The following GREB1 variants were observed in gnomAD, a reference collection of about 807,000 sequenced individuals.
GREB1 encodes the protein growth regulating estrogen receptor binding 1, also known as protein GREB1.
Under a neutral mutation model 200.7 loss-of-function variants are expected in GREB1, and 106 were observed. The ratio of observed to expected loss-of-function variants is 0.53; its 90% CI spans 0.45 to 0.62. The LOEUF is 0.62. Ranked by LOEUF, GREB1 falls within the 20% of genes least tolerant of loss-of-function variation. GREB1 has a pLI of 0.00. For missense variants in GREB1, 2,243 were observed against 2,556.8 expected (o/e 0.88, Z 2.65); for synonymous variants, 1,132 against 1,092.4 (o/e 1.04, Z -0.72).
intron 4 of GREB1, among the ~76,000 whole-genome samples, chr2:11,567,836 A>G (rs1265539825): frequency 3.3e-5 from 5 of 152,104 alleles, no homozygotes; most frequent in Non-Finnish European, 7.4e-5. Flanking sequence ...GAGCCCGGGG[A>G]TCTGGGTTCC....
At chr2:11,502,705 G>A (rs1673081702) in intron 1 of GREB1, among the ~76,000 whole-genome samples, 1 of 152,064 alleles carries the variant, frequency 6.6e-6, no homozygotes, top group African/African-American at 2.4e-5. Flanking sequence ...ATACAAATAT[G>A]ATGAAAATAT....
chr2:11,540,408 A>C (rs538607986), intron 1 of GREB1, among the ~76,000 whole-genome samples: 41 of 152,296 alleles, frequency 2.7e-4, no homozygotes, highest in African/African-American at 9.4e-4. Flanking sequence ...TTCCAGAGAG[A>C]AGGTTTTCAG....
At chr2:11,599,141 T>C (rs1341082405) in intron 15 of GREB1, among the ~76,000 whole-genome samples, 1 of 152,048 alleles carries the variant, frequency 6.6e-6, no homozygotes, top group Non-Finnish European at 1.5e-5. Context: ...GGGAGGGTGT[T>C]AGTGGCAGAG....
At chr2:11,586,718 C>T (rs1680136895) in intron 9 of GREB1, among the ~76,000 whole-genome samples, 1 of 152,194 alleles carries the variant, frequency 6.6e-6, no homozygotes, top group African/African-American at 2.4e-5. Flanking sequence ...GAGAAGCACC[C>T]TACTGTTAAT....
chr2:11,609,242 T>TTTTA (rs60473726), intron 17 of GREB1, among the ~76,000 whole-genome samples: 33,122 of 136,446 alleles, frequency 0.24, 4,265 homozygotes, highest in Admixed American at 0.3. Flanking sequence ...GGCATTATTA[T>TTTTA]TTTATTTATT....
intron 19 of GREB1, among the ~76,000 whole-genome samples, chr2:11,614,125 AT>A (rs34678522): frequency 0.17 from 16,816 of 99,228 alleles, 776 homozygotes; most frequent in Middle Eastern, 0.27. Context: ...GCGGACTTAG[AT>A]TTTTTTTTTT....
At chr2:11,578,550 T>C in intron 6 of GREB1, 119 bp downstream of exon 6, 1 of 981,452 alleles carries the variant, frequency 1.0e-6, no homozygotes, top group South Asian at 1.7e-5. Flanking sequence ...CTGTTATCTT[T>C]TTCTATAACA....
chr2:11,588,473 AGCCCCCTCACTTGT>A (rs922548431), intron 9 of GREB1: 158 of 468,808 alleles, frequency 3.4e-4, no homozygotes, highest in African/African-American at 2.9e-3. Flanking sequence ...CCCTCCCTCC[AGCCCCCTCACTTGT>A]AAAAAATAAG....
intron 1 of GREB1, among the ~76,000 whole-genome samples, chr2:11,498,971 A>C (rs1045279882): frequency 6.6e-6 from 1 of 152,198 alleles, no homozygotes; most frequent in African/African-American, 2.4e-5. Context: ...TTTTCATTTT[A>C]AAAAATGGTT....
rs184344741 is a variant in GREB1 at position 11,616,719 on chromosome 2, C to T, written c.3411C>T (p.Ser1137=). The change falls in exon 21 of 33, where the codon TCC becomes TCT. Residue 1137 remains serine, a splice_region_variant and synonymous_variant. Coordinates refer to ENST00000381486, the MANE Select transcript of GREB1 (RefSeq NM_014668.4). ...CCTCATCCCTCTCCTCCAAGGCTTC[C>T]GGTGAGTCTTCCCACACGGGAAGGA... ...SASSSLSSKA[S]GSALGGESSA... The T allele has an allele frequency of 3.2e-4, 510 of 1,599,064 alleles. 1 individual carries two copies. In the African/African-American group the frequency reaches 4.8e-3, roughly 15 times the overall value.
At chr2:11,620,753 C>T (rs1683940351) in intron 22 of GREB1, 152 bp from the exon 23 acceptor site, 3 of 570,550 alleles carry the variant, frequency 5.3e-6, no homozygotes, top group Admixed American at 3.1e-5. Flanking sequence ...ACGCTTCTTC[C>T]CTTCAAATAT....
At chr2:11,535,194 G>A (rs1005922669) in intron 1 of GREB1, among the ~76,000 whole-genome samples, 1 of 152,150 alleles carries the variant, frequency 6.6e-6, no homozygotes, top group Non-Finnish European at 1.5e-5. Flanking sequence ...CCCAACACTT[G>A]TCTGGCGTAT....
At chr2:11,491,027 C>T (rs74520735) in intron 1 of GREB1, among the ~76,000 whole-genome samples, 5,233 of 152,246 alleles carry the variant, frequency 0.034, 304 homozygotes, top group African/African-American at 0.11. Flanking sequence ...TCCAGTTTCT[C>T]CACGTCCTTG....
At chr2:11,551,175 A>C (rs1230472618) in intron 1 of GREB1, among the ~76,000 whole-genome samples, 1 of 152,196 alleles carries the variant, frequency 6.6e-6, no homozygotes, top group Non-Finnish European at 1.5e-5. Context: ...CAGAAGGGCC[A>C]GTGGAAGTTA....
chr2:11,604,979 A>C (rs74611131), intron 17 of GREB1, among the ~76,000 whole-genome samples: 1,959 of 152,022 alleles, frequency 0.013, 52 homozygotes, highest in African/African-American at 0.044. Context: ...TAGACCTTTG[A>C]CAACTCCTAT....
chr2:11,536,967 T>C (rs1674319929), intron 1 of GREB1, among the ~76,000 whole-genome samples: 2 of 152,226 alleles, frequency 1.3e-5, no homozygotes. Flanking sequence ...TTTCTTTTTT[T>C]TTATTTTTCT....
intron 30 of GREB1, among the ~76,000 whole-genome samples, chr2:11,637,193 A>T (rs1056135844): frequency 6.6e-6 from 1 of 151,972 alleles, no homozygotes; most frequent in African/African-American, 2.4e-5. Flanking sequence ...GGAGCTGAGG[A>T]AGTAGGCAGG....
intron 6 of GREB1, among the ~76,000 whole-genome samples, chr2:11,579,868 G>A (rs1434175301): frequency 6.6e-6 from 1 of 152,188 alleles, no homozygotes; most frequent in Admixed American, 6.5e-5. Flanking sequence ...CCAGGTAGCT[G>A]CAAACCCGAC....
At chr2:11,506,143 G>A (rs1673178220) in intron 1 of GREB1, among the ~76,000 whole-genome samples, 1 of 152,118 alleles carries the variant, frequency 6.6e-6, no homozygotes, top group Non-Finnish European at 1.5e-5. Flanking sequence ...CAGTGCACAT[G>A]GTCCCCGTGC....
Sources: gnomAD v4.1 joint callset for allele counts (sites outside exome capture counted in the v4.1 genomes callset) on GRCh38, gnomAD v4.1.1 for gene constraint, MANE v1.5 for transcripts, NCBI Gene and HGNC (gene_info 2026-07-23, HGNC 2026-07-21) for gene names.